The following KIF16B variants were observed in gnomAD, a reference collection of about 807,000 sequenced individuals.
KIF16B encodes kinesin-like protein KIF16B.
Under a neutral mutation model 156.3 loss-of-function variants are expected in KIF16B, and 98 were observed. The ratio of observed to expected loss-of-function variants is 0.63; its 90% CI spans 0.53 to 0.74. The LOEUF is 0.74. Ranked by LOEUF, KIF16B falls within the 30% of genes least tolerant of loss-of-function variation. The pLI is 0.00. For synonymous variants in KIF16B, 564 were observed against 583.7 expected, an observed-to-expected ratio of 0.97 and a Z score of 0.49; for missense variants, 1,421 against 1,606.5, an observed-to-expected ratio of 0.88 and a Z score of 1.97.
intron 24 of KIF16B, among the ~76,000 whole-genome samples, chr20:16,323,114 T>C (rs2063794917): frequency 6.6e-6 from 1 of 152,070 alleles, no homozygotes; most frequent in Admixed American, 6.6e-5. Context: ...AACATTTGAC[T>C]TCTGTTAACA....
chr20:16,511,692 T>C lies in KIF16B; in HGVS notation c.447-165A>G, dbSNP rs117225863. Among the ~76,000 whole-genome samples, 123 of 152,264 alleles carry C rather than the reference T, an allele frequency of 8.1e-4. 2 individuals carry two copies. The East Asian group carries it at 0.021, about 26-fold the overall frequency. ...TACAATGAGTCCTCACTTAAGGTCA[T>C]TGACAGGTTCTTGGAAAGTGCAACT... is the stretch of plus-strand genomic sequence containing the variant. On this transcript the variant is annotated intron_variant, in intron 5 of 25. Coordinates refer to ENST00000354981, the MANE Select transcript of KIF16B (RefSeq NM_024704.5).
chr20:16,529,172 G>C (rs201553926), intron 1 of KIF16B, among the ~76,000 whole-genome samples: 1 of 140,040 alleles, frequency 7.1e-6, no homozygotes, highest in Non-Finnish European at 1.6e-5. Flanking sequence ...TTTTTCAAAA[G>C]GCTACCTAGG....
At position 16,371,665 on chromosome 20, in the gene KIF16B, C is replaced by G. The variant is rs1218318221; in HGVS notation, c.3447G>C (p.Lys1149Asn). The part of the protein sequence containing the change: ...EGCSTSADTM[K>N]DNEKLHNGTI... Reference sequence around the variant, plus strand: ...GTGTTACTTGGCTCCTTCAGCTTACCTTCATCGTGTCTGCAGATGTACTGC... The same window carrying G: ...GTGTTACTTGGCTCCTTCAGCTTACGTTCATCGTGTCTGCAGATGTACTGC... The change falls in exon 21 of 26, where the codon AAG (lysine) becomes AAC (asparagine). Residue 1149 changes from lysine to asparagine, a missense_variant and splice_region_variant. Lys to Asn is a moderately conservative substitution (Grantham distance 94, BLOSUM62 0). Coordinates refer to ENST00000354981, the MANE Select transcript of KIF16B (RefSeq NM_024704.5). 1 of 1,603,962 alleles carries G rather than the reference C, an allele frequency of 6.2e-7. No individual in the cohort carries two copies. Among genetic ancestry groups the G allele is most frequent in the Non-Finnish European group, 8.5e-7 (1 of 1,171,320 alleles).
chr20:16,503,464 C>G (rs2068682484), intron 10 of KIF16B, among the ~76,000 whole-genome samples: 2 of 152,102 alleles, frequency 1.3e-5, no homozygotes, highest in South Asian at 4.2e-4. Flanking sequence ...GGTTTTCATC[C>G]CATCAGTATT....
At chr20:16,307,555 G>A (rs60635180) in intron 25 of KIF16B, among the ~76,000 whole-genome samples, 46,199 of 151,972 alleles carry the variant, frequency 0.3, 7,059 homozygotes, top group East Asian at 0.35. Context: ...AGAAGTAGAG[G>A]TGAGGTTTCA....
rs192486314 is a variant in KIF16B at position 16,351,342 on chromosome 20, T to C, written c.3621+4988A>G. Among the ~76,000 whole-genome samples the C allele has an allele frequency of 1.7e-4, 26 of 152,272 alleles. 1 individual carries two copies. Among genetic ancestry groups the C allele is most frequent in the African/African-American group, 6.0e-4 (25 of 41,548 alleles). Reference sequence around the variant, plus strand: ...CTTAACCATCAATTTCCCAGGCCCGTGTTTTGTGCTATGCTGAAATGTGAT... The same window carrying C: ...CTTAACCATCAATTTCCCAGGCCCGCGTTTTGTGCTATGCTGAAATGTGAT... On this transcript the variant is annotated intron_variant, in intron 23 of 25. Transcript: ENST00000354981.
chr20:16,527,598 A>T (rs965840896), intron 2 of KIF16B, among the ~76,000 whole-genome samples: 1 of 152,022 alleles, frequency 6.6e-6, no homozygotes, highest in Non-Finnish European at 1.5e-5. Context: ...TTTGTTTGAG[A>T]TGGGGTCTTG....
chr20:16,552,637 G>C (rs2070709533), intron 1 of KIF16B, among the ~76,000 whole-genome samples: 1 of 152,104 alleles, frequency 6.6e-6, no homozygotes, highest in Non-Finnish European at 1.5e-5. Context: ...ACTGTATCCT[G>C]ACACGCAGCC....
At chr20:16,346,494 A>G (rs183313431) in intron 23 of KIF16B, among the ~76,000 whole-genome samples, 52 of 152,296 alleles carry the variant, frequency 3.4e-4, no homozygotes, top group African/African-American at 9.9e-4. Context: ...GGAAGCAATG[A>G]GCCTAGTGAT....
At chr20:16,533,527 T>A (rs538640146) in intron 1 of KIF16B, among the ~76,000 whole-genome samples, 1 of 152,348 alleles carries the variant, frequency 6.6e-6, no homozygotes, top group East Asian at 1.9e-4. Flanking sequence ...ACTGGAAAAC[T>A]CACTAACCTT....
intron 15 of KIF16B, among the ~76,000 whole-genome samples, chr20:16,409,078 T>G: frequency 6.6e-6 from 1 of 151,846 alleles, no homozygotes. Context: ...ATTCCACAAA[T>G]AAATGCAAAG....
At chr20:16,568,551 C>T (rs2071343025) in intron 1 of KIF16B, among the ~76,000 whole-genome samples, 1 of 152,156 alleles carries the variant, frequency 6.6e-6, no homozygotes, top group South Asian at 2.1e-4. Flanking sequence ...TCGTGGATCA[C>T]ACCTGTAATC....
chr20:16,297,342 T>C (rs1167535500), intron 25 of KIF16B, among the ~76,000 whole-genome samples: 1 of 152,236 alleles, frequency 6.6e-6, no homozygotes, highest in Non-Finnish European at 1.5e-5. Flanking sequence ...ATGGGTTATG[T>C]GTGGAAGTGT....
chr20:16,380,077 T>G lies in KIF16B; in HGVS notation c.1925A>C (p.Lys642Thr). 2 of 1,543,620 alleles carry G rather than the reference T, an allele frequency of 1.3e-6. No individual in the cohort carries two copies. Among genetic ancestry groups the G allele is most frequent in the Non-Finnish European group, 1.7e-6 (2 of 1,150,222 alleles). Reference protein sequence around the residue: ...RMQQEVETQRKETEIVQLQIR... With the variant: ...RMQQEVETQRTETEIVQLQIR... The stretch of plus-strand genomic sequence containing the variant: ...CTGGAGCTGCACGATTTCTGTCTCC[T>G]TGCGCTGGGTCTCCACCTCCTGCTG... The change falls in exon 19 of 26, where the codon AAG becomes ACG. Residue 642 changes from lysine (K) to threonine (T), a missense_variant. Coordinates refer to ENST00000354981, the MANE Select transcript of KIF16B (RefSeq NM_024704.5).
chr20:16,284,556 T>C (rs1023964769), intron 25 of KIF16B, among the ~76,000 whole-genome samples: 4 of 152,166 alleles, frequency 2.6e-5, no homozygotes, highest in Non-Finnish European at 5.9e-5. Flanking sequence ...TCCTCTTCTG[T>C]TACCAGGCAG....
chr20:16,350,652 T>C (rs113077655), intron 23 of KIF16B, among the ~76,000 whole-genome samples: 22 of 150,998 alleles, frequency 1.5e-4, no homozygotes, highest in African/African-American at 4.9e-4. Flanking sequence ...ACCAGCCACA[T>C]CACGAGGATG....
At chr20:16,367,316 C>G (rs777293271) in intron 22 of KIF16B, 1 of 1,612,838 alleles carries the variant, frequency 6.2e-7, no homozygotes, top group Non-Finnish European at 8.5e-7. Flanking sequence ...TTTCTGGAAC[C>G]CACTGAAGGT....
rs780276602 is a variant in KIF16B at position 16,406,405 on chromosome 20, T to C, written c.1664A>G (p.Lys555Arg). The C allele has an allele frequency of 5.6e-6, 9 of 1,613,634 alleles. No individual in the cohort carries two copies. The change falls in exon 16 of 26, where the codon AAG (lysine) becomes AGG (arginine). Residue 555 changes from lysine (K) to arginine (R), a missense_variant. Physicochemically the swap from Lys to Arg is conservative, Grantham distance 26 (BLOSUM62 2). Transcript: ENST00000354981. Reference sequence around the variant, plus strand: ...CTTCTCCCTGAGCTTGGCGGCTTCCTTTGGATGGTTAAAGCGAAACATATT... The same window carrying C: ...CTTCTCCCTGAGCTTGGCGGCTTCCCTTGGATGGTTAAAGCGAAACATATT... ...RTNMFRFNHP[K>R]EAAKLREKRK...
chr20:16,468,072 G>C (rs1251288878), intron 12 of KIF16B, among the ~76,000 whole-genome samples: 1 of 152,020 alleles, frequency 6.6e-6, no homozygotes, highest in Non-Finnish European at 1.5e-5. Flanking sequence ...CCAATGAAAA[G>C]ACATACATTT....
Sources: allele counts gnomAD v4.1 joint callset (sites outside exome capture counted in the v4.1 genomes callset), GRCh38; gene constraint gnomAD v4.1.1; transcripts MANE v1.5; gene names NCBI Gene and HGNC (gene_info 2026-07-23, HGNC 2026-07-21).